The following DLG2 variants were observed in gnomAD, a reference collection of about 807,000 sequenced individuals.
DLG2 encodes the protein disks large homolog 2.
DLG2 carries 45 observed loss-of-function variants against 132.5 expected under a neutral mutation model. The observed-to-expected ratio is 0.34, with a 90% confidence interval of 0.27 to 0.44. DLG2 has a LOEUF of 0.44. DLG2 is among the 20% of genes least tolerant of loss of function. The pLI, the probability that DLG2 is intolerant of heterozygous loss-of-function variation, is 1.00. For synonymous variants in DLG2, 424 were observed against 419.6 expected (o/e 1.01, Z -0.13); for missense variants, 1,045 against 1,196.9 (o/e 0.87, Z 1.87).
intron 8 of DLG2, among the ~76,000 whole-genome samples, chr11:84,209,091 AG>A (rs1248943861): frequency 6.6e-6 from 1 of 152,224 alleles, no homozygotes; most frequent in Non-Finnish European, 1.5e-5. Flanking sequence ...TGGAAACACT[AG>A]TTTAACCACG....
At chr11:84,842,820 A>T (rs2080877126) in intron 6 of DLG2, among the ~76,000 whole-genome samples, 1 of 151,860 alleles carries the variant, frequency 6.6e-6, no homozygotes, top group South Asian at 2.1e-4. Context: ...GCATGTGTGG[A>T]TGCACACATA....
At chr11:84,974,206 C>T (rs1179494541) in intron 6 of DLG2, among the ~76,000 whole-genome samples, 1 of 152,120 alleles carries the variant, frequency 6.6e-6, no homozygotes, top group African/African-American at 2.4e-5. Flanking sequence ...CAAGATTATC[C>T]TTGTATAGGT....
At chr11:83,639,434 A>G (rs1370617799) in intron 18 of DLG2, among the ~76,000 whole-genome samples, 1 of 152,196 alleles carries the variant, frequency 6.6e-6, no homozygotes, top group Non-Finnish European at 1.5e-5. Flanking sequence ...ATAATAAAAA[A>G]CGATGAGTTC....
chr11:84,228,112 G>T (rs973403117), intron 8 of DLG2, among the ~76,000 whole-genome samples: 4 of 152,018 alleles, frequency 2.6e-5, no homozygotes, highest in African/African-American at 9.7e-5. Flanking sequence ...TTGCATCACT[G>T]ACATGATGGA....
chr11:85,443,479 T>C (rs1356484381), intron 3 of DLG2, among the ~76,000 whole-genome samples: 1 of 152,214 alleles, frequency 6.6e-6, no homozygotes, highest in Admixed American at 6.5e-5. Context: ...TTTAATATTC[T>C]ATGTTTCTCT....
chr11:84,366,104 C>G, intron 7 of DLG2, among the ~76,000 whole-genome samples: 1 of 152,122 alleles, frequency 6.6e-6, no homozygotes, highest in Admixed American at 6.6e-5. Flanking sequence ...ATCAGACTAA[C>G]AGCGGATCTC....
At chr11:84,273,206 TC>T in intron 7 of DLG2, 1 of 1,571,886 alleles carries the variant, frequency 6.4e-7, no homozygotes, top group Non-Finnish European at 8.6e-7. Context: ...AGCAATAGTA[TC>T]CCACAAAAGC....
chr11:84,553,462 A>T (rs1446236142), intron 6 of DLG2, among the ~76,000 whole-genome samples: 1 of 152,222 alleles, frequency 6.6e-6, no homozygotes, highest in African/African-American at 2.4e-5. Context: ...AATCAATACA[A>T]TATCAAATAA....
chr11:83,925,642 G>A lies in DLG2; in HGVS notation c.1496+4686C>T, dbSNP rs34546944. ...TCAGTGAGTGAAGATGTTTTATGACGATATAGTGCTTCACAGTTCATTTCC... is the reference window on the plus strand; with the variant it reads ...TCAGTGAGTGAAGATGTTTTATGACAATATAGTGCTTCACAGTTCATTTCC... On this transcript the variant is annotated intron_variant, in intron 15 of 27. Transcript: ENST00000376104. 2.1e-3 allele frequency among the ~76,000 whole-genome samples: 320 copies of A among 152,010 alleles called. 2 individuals carry two copies. Among genetic ancestry groups the A allele is most frequent in the South Asian group, 7.7e-3 (37 of 4,812 alleles).
At chr11:84,720,830 T>C (rs1427180901) in intron 6 of DLG2, 2 of 152,220 alleles carry the variant, frequency 1.3e-5, no homozygotes, top group Non-Finnish European at 1.5e-5. Flanking sequence ...GCTGAAATTA[T>C]TCCCTCTGAA....
intron 6 of DLG2, among the ~76,000 whole-genome samples, chr11:84,822,147 C>G (rs1009976813): frequency 6.6e-6 from 1 of 151,780 alleles, no homozygotes; most frequent in East Asian, 1.9e-4. Context: ...AGTAGTTTAC[C>G]TCTGCACAAG....
At chr11:83,505,345 T>C (rs2094639139) in intron 21 of DLG2, among the ~76,000 whole-genome samples, 1 of 152,150 alleles carries the variant, frequency 6.6e-6, no homozygotes, top group African/African-American at 2.4e-5. Context: ...TGGAAGCCCA[T>C]GTTGCTGAGC....
intron 6 of DLG2, among the ~76,000 whole-genome samples, chr11:84,803,121 A>G (rs1337970324): frequency 6.6e-6 from 1 of 152,164 alleles, no homozygotes; most frequent in Non-Finnish European, 1.5e-5. Flanking sequence ...TTCTAAGTGG[A>G]GATATGAATC....
At chr11:85,199,860 T>C (rs982227497) in intron 4 of DLG2, among the ~76,000 whole-genome samples, 4 of 151,972 alleles carry the variant, frequency 2.6e-5, no homozygotes, top group African/African-American at 9.7e-5. Flanking sequence ...TTCAGAATCA[T>C]ATAGAAAACA....
intron 8 of DLG2, among the ~76,000 whole-genome samples, chr11:84,242,671 G>T (rs1161782179): frequency 6.6e-6 from 1 of 152,152 alleles, no homozygotes; most frequent in East Asian, 1.9e-4. Context: ...CTCCCATAAT[G>T]CTGGGATTAC....
chr11:84,395,373 C>G (rs911672301), intron 7 of DLG2, among the ~76,000 whole-genome samples: 1 of 152,168 alleles, frequency 6.6e-6, no homozygotes, highest in East Asian at 1.9e-4. Context: ...TAGTGCGACA[C>G]CAACCCTCTG....
chr11:85,218,343 G>A (rs2152589215), intron 4 of DLG2, among the ~76,000 whole-genome samples: 1 of 152,186 alleles, frequency 6.6e-6, no homozygotes, highest in South Asian at 2.1e-4. Flanking sequence ...TCTAGAATCT[G>A]TAGGGAACTT....
intron 19 of DLG2, among the ~76,000 whole-genome samples, chr11:83,595,701 G>A (rs1407764742): frequency 6.6e-6 from 1 of 152,072 alleles, no homozygotes; most frequent in Non-Finnish European, 1.5e-5. Context: ...CCAGCCTTTT[G>A]GAGACACCAT....
At chr11:85,506,487 C>G (rs192721834) in intron 3 of DLG2, among the ~76,000 whole-genome samples, 1 of 152,258 alleles carries the variant, frequency 6.6e-6, no homozygotes, top group African/African-American at 2.4e-5. Flanking sequence ...AGTAATCATT[C>G]AGGAGCAAGT....
Sources: gnomAD v4.1 joint callset for allele counts (sites outside exome capture counted in the v4.1 genomes callset) on GRCh38, gnomAD v4.1.1 for gene constraint, MANE v1.5 for transcripts, NCBI Gene and HGNC (gene_info 2026-07-23, HGNC 2026-07-21) for gene names.